Variants in ERBB4 observed in about 807,000 individuals in gnomAD.
The protein encoded by ERBB4 is receptor tyrosine-protein kinase erbB-4.
In ERBB4, 42 loss-of-function variants were observed where a neutral mutation model predicts 158.0. The observed-to-expected ratio is 0.27, with a 90% CI of 0.21 to 0.34. ERBB4 has a LOEUF of 0.34. Ranked by LOEUF, ERBB4 falls within the 10% of genes least tolerant of loss-of-function variation. ERBB4 has a pLI of 1.00. For missense variants in ERBB4, 1,333 were observed against 1,624.1 expected, an observed-to-expected ratio of 0.82 and a Z score of 3.08; for synonymous variants, 583 against 558.7, an observed-to-expected ratio of 1.04 and a Z score of -0.61.
chr2:212,429,942 C>T (rs996949752), intron 1 of ERBB4, among the ~76,000 whole-genome samples: 1 of 152,164 alleles, frequency 6.6e-6, no homozygotes, highest in African/African-American at 2.4e-5. Flanking sequence ...TACACTGAAA[C>T]ATTAAGTTGG....
At chr2:212,094,054 C>A (rs938031274) in intron 2 of ERBB4, among the ~76,000 whole-genome samples, 3 of 151,764 alleles carry the variant, frequency 2.0e-5, no homozygotes, top group Non-Finnish European at 2.9e-5. Flanking sequence ...AAATAAGACT[C>A]CTTAGACCAT....
intron 1 of ERBB4, among the ~76,000 whole-genome samples, chr2:212,248,536 G>C (rs16848072): frequency 0.059 from 8,993 of 151,750 alleles, 367 homozygotes; most frequent in African/African-American, 0.12. Flanking sequence ...TTTAACAAAG[G>C]CATCTACCTA....
intron 1 of ERBB4, among the ~76,000 whole-genome samples, 162 bp downstream of exon 1, chr2:212,538,287 A>G (rs1176297304): frequency 1.3e-5 from 2 of 152,198 alleles, no homozygotes; most frequent in Non-Finnish European, 2.9e-5. Flanking sequence ...ATACAGGGTA[A>G]GTTTCAAATG....
rs5838312 is a variant in ERBB4, at chr2:212,256,017, T to TGG, written c.83-131116_83-131115dup. 2.9e-3 allele frequency among the ~76,000 whole-genome samples: 419 copies of TGG among 142,052 alleles called. 5 individuals are homozygous for TGG. The highest frequency in any genetic ancestry group is 0.012 in the East Asian group (55 of 4,604). 93.2% of individuals were successfully genotyped at this position (142,052 alleles called of 152,430 possible). ...TATTTATTTATTTTTTTTTTACAAA[T>TGG]GGGGGGGGGTCTCACTCTGTTACCC... On this transcript the variant is annotated intron_variant, in intron 1 of 27. Transcript: ENST00000342788.
intron 2 of ERBB4, among the ~76,000 whole-genome samples, chr2:211,990,779 A>T (rs2082055165): frequency 6.6e-6 from 1 of 151,918 alleles, no homozygotes; most frequent in Admixed American, 6.6e-5. Flanking sequence ...CAAAATTTAG[A>T]AGACAAAACG....
chr2:211,791,246 GAA>G (rs1208624285), intron 3 of ERBB4, among the ~76,000 whole-genome samples: 2 of 151,910 alleles, frequency 1.3e-5, no homozygotes, highest in African/African-American at 2.4e-5. Context: ...TAGGAAAAGA[GAA>G]AAGTTTGTTT....
chr2:212,081,258 T>A (rs2078434220), intron 2 of ERBB4, among the ~76,000 whole-genome samples: 1 of 152,282 alleles, frequency 6.6e-6, no homozygotes, highest in East Asian at 1.9e-4. Flanking sequence ...GCAGTCAGCA[T>A]GGAGATTGTA....
intron 1 of ERBB4, among the ~76,000 whole-genome samples, chr2:212,422,746 C>A (rs1414054851): frequency 2.6e-5 from 4 of 152,128 alleles, no homozygotes; most frequent in African/African-American, 9.7e-5. Flanking sequence ...ATTCATGAAA[C>A]CATTTTTCTT....
At chr2:211,502,231 G>A (rs1647016452) in intron 20 of ERBB4, among the ~76,000 whole-genome samples, 1 of 152,100 alleles carries the variant, frequency 6.6e-6, no homozygotes, top group Non-Finnish European at 1.5e-5. Flanking sequence ...GTTTGCATGT[G>A]CTCATAACAT....
intron 16 of ERBB4, among the ~76,000 whole-genome samples, chr2:211,655,664 A>C (rs2071184592): frequency 6.6e-6 from 1 of 152,218 alleles, no homozygotes; most frequent in South Asian, 2.1e-4. Flanking sequence ...CTAGCTGATA[A>C]TGCAGTTGCT....
intron 25 of ERBB4, among the ~76,000 whole-genome samples, chr2:211,419,386 T>C (rs1343752725): frequency 6.6e-6 from 1 of 152,020 alleles, no homozygotes; most frequent in Non-Finnish European, 1.5e-5. Context: ...TAAAGAAAAT[T>C]ATGTTTGTTA....
chr2:212,288,505 A>C lies in ERBB4; in HGVS notation c.83-163602T>G, dbSNP rs950599471. On this transcript the variant is annotated intron_variant, in intron 1 of 27. Coordinates refer to ENST00000342788, the MANE Select transcript of ERBB4 (RefSeq NM_005235.3). ...ATGCGCACTGGGGTGGAGCCTCAGG[A>C]AGTTCACGCCTTTTGCAGTGGGGAG... Among the ~76,000 whole-genome samples, 6 of 152,140 alleles carry C rather than the reference A, an allele frequency of 3.9e-5. 1 individual carries two copies. The South Asian group carries it at 1.2e-3, about 32-fold the overall frequency.
chr2:212,181,991 G>T (rs1177443124), intron 1 of ERBB4, among the ~76,000 whole-genome samples: 3 of 151,704 alleles, frequency 2.0e-5, no homozygotes, highest in Non-Finnish European at 3.0e-5. Context: ...GAAATTATTT[G>T]TGTGGTAACC....
chr2:211,639,671 A>C (rs1023892608), intron 16 of ERBB4, among the ~76,000 whole-genome samples: 1 of 152,204 alleles, frequency 6.6e-6, no homozygotes, highest in African/African-American at 2.4e-5. Context: ...TGTCATGCTT[A>C]TTGTACACAA....
At chr2:211,415,117 T>C (rs1339342445) in intron 25 of ERBB4, among the ~76,000 whole-genome samples, 1 of 117,902 alleles carries the variant, frequency 8.5e-6, no homozygotes, top group African/African-American at 3.2e-5. Context: ...CTTTTTTTTT[T>C]TTTTTTTTTT....
chr2:212,456,894 C>A (rs1032790613), intron 1 of ERBB4, among the ~76,000 whole-genome samples: 3 of 151,700 alleles, frequency 2.0e-5, no homozygotes, highest in African/African-American at 7.3e-5. Context: ...TTATAATGGC[C>A]TTTTTTCTCC....
rs747423735 is a variant in ERBB4 at position 211,562,045 on chromosome 2, C to T, written c.2345G>A (p.Arg782Gln). ...TGGGCTCAGACACACACCCAGCAAC[C>T]GGACTAGGTGTGGATGATCCATACT... is the stretch of plus-strand genomic sequence containing the variant. ...MASMDHPHLV[R>Q]LLGVCLSPTI... is the part of the protein sequence containing the mutation. Residue 782 changes from arginine (R) to glutamine (Q), a missense_variant, in exon 20 of 28, where the codon CGG (arginine) becomes CAG (glutamine). Arg to Gln is a conservative substitution (Grantham distance 43). Coordinates refer to ENST00000342788, the MANE Select transcript of ERBB4 (RefSeq NM_005235.3). 18 of 1,613,904 alleles carry T rather than the reference C, an allele frequency of 1.1e-5. No homozygotes were observed. The highest frequency in any genetic ancestry group is 2.2e-5 in the East Asian group (1 of 44,870).
chr2:211,421,506 C>T (rs539917792), intron 24 of ERBB4, among the ~76,000 whole-genome samples: 6 of 151,778 alleles, frequency 4.0e-5, no homozygotes, highest in Non-Finnish European at 8.8e-5. Flanking sequence ...TGCATCAATT[C>T]ATTTGAATTG....
At chr2:211,523,623 A>G (rs2066251190) in intron 20 of ERBB4, among the ~76,000 whole-genome samples, 1 of 151,324 alleles carries the variant, frequency 6.6e-6, no homozygotes. Flanking sequence ...GCGCGTCTGG[A>G]GTTGTTCGTT....
Sources: allele counts gnomAD v4.1 joint callset (sites outside exome capture counted in the v4.1 genomes callset), GRCh38; gene constraint gnomAD v4.1.1; transcripts MANE v1.5; gene names NCBI Gene and HGNC (gene_info 2026-07-23, HGNC 2026-07-21).